Variants in RNLS observed in about 807,000 individuals in gnomAD.
RNLS encodes renalase, FAD dependent amine oxidase.
A neutral mutation model predicts 39.8 loss-of-function variants in RNLS; 39 were observed. That is an observed-to-expected ratio of 0.98 (90% confidence interval 0.76 to 1.28). RNLS has a LOEUF of 1.28. RNLS is among the 50% of genes most tolerant of loss of function. The pLI is 0.00. For synonymous variants in RNLS, 147 were observed against 150.7 expected, an observed-to-expected ratio of 0.98 and a Z score of 0.18; for missense variants, 410 against 413.3, an observed-to-expected ratio of 0.99 and a Z score of 0.07.
At chr10:88,511,770 A>G (rs1208798167) in intron 4 of RNLS, among the ~76,000 whole-genome samples, 1 of 152,204 alleles carries the variant, frequency 6.6e-6, no homozygotes, top group African/African-American at 2.4e-5. Context: ...GGTCAAGTAC[A>G]ATGATGGCTG....
chr10:88,487,225 G>A (rs1315536617), intron 4 of RNLS, among the ~76,000 whole-genome samples: 2 of 152,090 alleles, frequency 1.3e-5, no homozygotes, highest in African/African-American at 4.8e-5. Context: ...GGAGGAGCGA[G>A]ACAAGCATAA....
chr10:88,533,388 AAC>A (rs1162196049), intron 4 of RNLS, among the ~76,000 whole-genome samples: 2 of 152,146 alleles, frequency 1.3e-5, no homozygotes, highest in Non-Finnish European at 2.9e-5. Context: ...TAAAGAAAAA[AAC>A]AGTGTTAGAA....
chr10:88,311,208 A>C (rs1048873823), intron 6 of RNLS, among the ~76,000 whole-genome samples: 1 of 152,222 alleles, frequency 6.6e-6, no homozygotes, highest in African/African-American at 2.4e-5. Flanking sequence ...CATGATAGAC[A>C]CTGAAACAAA....
At chr10:88,206,389 C>T in the RNLS span, among the ~76,000 whole-genome samples, 1 of 152,150 alleles carries the variant, frequency 6.6e-6, no homozygotes, top group African/African-American at 2.4e-5. Flanking sequence ...ATATATTTAA[C>T]ATTTGCCCAG....
intron 5 of RNLS, among the ~76,000 whole-genome samples, chr10:88,337,911 C>A (rs1396146351): frequency 6.6e-6 from 1 of 152,120 alleles, no homozygotes; most frequent in East Asian, 1.9e-4. Flanking sequence ...CCCTCTCCTT[C>A]TCCTCCTCCC....
Position 88,401,081 on chromosome 10 carries a change from CT to C in RNLS, c.527-38357del, listed in dbSNP as rs547549870. 7.2e-4 allele frequency among the ~76,000 whole-genome samples: 109 copies of C among 151,936 alleles called. 1 individual carries two copies. The South Asian group carries it at 8.5e-3, about 12-fold the overall frequency. On this transcript the variant is annotated intron_variant, in intron 4 of 6. Transcript: ENST00000331772. ...TCCAGGAGTTCTCCCAATTTCCCCCCTACTCACCCCTTTTACCATAACCTTA... is the reference window on the plus strand; with the variant it reads ...TCCAGGAGTTCTCCCAATTTCCCCCCACTCACCCCTTTTACCATAACCTTA...
the RNLS span, among the ~76,000 whole-genome samples, chr10:88,201,938 T>C: frequency 1.3e-5 from 2 of 152,150 alleles, no homozygotes; most frequent in African/African-American, 4.8e-5. Flanking sequence ...AGAAGATATT[T>C]ATTACTGCCA....
rs541558142 is a variant in RNLS at position 88,378,614 on chromosome 10, A to G, written c.527-15889T>C. Among the ~76,000 whole-genome samples the G allele has an allele frequency of 1.2e-4, 18 of 152,302 alleles. No homozygotes were observed. The South Asian group carries it at 3.7e-3, about 32-fold the overall frequency. On this transcript the variant is annotated intron_variant, in intron 4 of 6. Coordinates refer to ENST00000331772, the MANE Select transcript of RNLS (RefSeq NM_001031709.3). ...GGCTCCTGCCCCTTACCCAGAAGTA[A>G]GGAACGCTGCACAGAAAGGCCAGGA...
chr10:88,393,170 T>A (rs1203388454), intron 4 of RNLS, among the ~76,000 whole-genome samples: 1 of 152,092 alleles, frequency 6.6e-6, no homozygotes, highest in East Asian at 1.9e-4. Flanking sequence ...CTATTCAACA[T>A]AGTGTTGGAA....
chr10:88,571,562 C>T (rs1056152512), intron 4 of RNLS, among the ~76,000 whole-genome samples: 3 of 152,172 alleles, frequency 2.0e-5, no homozygotes, highest in Admixed American at 6.5e-5. Context: ...TTAAAATGAA[C>T]ACCGTCAGCT....
intron 4 of RNLS, among the ~76,000 whole-genome samples, chr10:88,378,956 T>C (rs1476051429): frequency 6.6e-6 from 1 of 152,202 alleles, no homozygotes; most frequent in African/African-American, 2.4e-5. Context: ...ACCAGTAACA[T>C]AGTCATTTAC....
Position 88,535,260 on chromosome 10 carries a change from A to G in RNLS, c.526+37643T>C, listed in dbSNP as rs59387861. Among the ~76,000 whole-genome samples the G allele has an allele frequency of 2.0e-3, 308 of 152,252 alleles. 13 individuals are homozygous for G. In the East Asian group the frequency reaches 0.053, roughly 26 times the overall value. On this transcript the variant is annotated intron_variant, in intron 4 of 6. Coordinates refer to ENST00000331772, the MANE Select transcript of RNLS (RefSeq NM_001031709.3). Reference sequence around the variant, plus strand: ...TAAAGACAAACAATGGAACAAACACAAGTGTGTAATGTGTATAAGTGAGTA... The same window carrying G: ...TAAAGACAAACAATGGAACAAACACGAGTGTGTAATGTGTATAAGTGAGTA...
intron 4 of RNLS, among the ~76,000 whole-genome samples, chr10:88,427,922 T>A (rs1199899797): frequency 6.6e-6 from 1 of 151,910 alleles, no homozygotes; most frequent in Non-Finnish European, 1.5e-5. Context: ...CAGAGACAGC[T>A]TAGATATGCT....
chr10:88,545,545 C>T (rs576106935), intron 4 of RNLS: 23 of 437,432 alleles, frequency 5.3e-5, no homozygotes, highest in Admixed American at 1.7e-4. Flanking sequence ...AAGTACAGCA[C>T]GGGAAAAACC....
chr10:88,558,777 A>G (rs1467772159), intron 4 of RNLS, among the ~76,000 whole-genome samples: 1 of 152,206 alleles, frequency 6.6e-6, no homozygotes, highest in Non-Finnish European at 1.5e-5. Context: ...TAATAAATAT[A>G]AAAATACAAG....
intron 5 of RNLS, among the ~76,000 whole-genome samples, chr10:88,335,465 C>G (rs954937445): frequency 6.6e-5 from 10 of 152,084 alleles, no homozygotes; most frequent in Non-Finnish European, 7.4e-5. Context: ...AGGGATTCAC[C>G]CACTTTAGCC....
At chr10:88,409,793 C>A (rs1022348549) in intron 4 of RNLS, among the ~76,000 whole-genome samples, 10 of 152,070 alleles carry the variant, frequency 6.6e-5, no homozygotes, top group African/African-American at 2.4e-4. Context: ...TTTTATTTTT[C>A]ATTTTTTAAG....
At chr10:88,574,964 G>A (rs775285628) in intron 3 of RNLS, among the ~76,000 whole-genome samples, 55 of 151,424 alleles carry the variant, frequency 3.6e-4, no homozygotes, top group Non-Finnish European at 3.5e-4. Flanking sequence ...CTGATTCTAC[G>A]TTTTCTCATA....
At chr10:88,245,532 G>GTT in the RNLS span, among the ~76,000 whole-genome samples, 7,468 of 152,268 alleles carry the variant, frequency 0.049, 258 homozygotes, top group East Asian at 0.13. Flanking sequence ...GATTCAAAGA[G>GTT]TTAAAGTATC....
Sources: gnomAD v4.1 joint callset for allele counts (sites outside exome capture counted in the v4.1 genomes callset) on GRCh38, gnomAD v4.1.1 for gene constraint, MANE v1.5 for transcripts, NCBI Gene and HGNC (gene_info 2026-07-23, HGNC 2026-07-21) for gene names.